The following AKNA variants were observed in gnomAD, a reference collection of about 807,000 sequenced individuals.
The protein encoded by AKNA is AT-hook transcription factor.
In AKNA, 67 loss-of-function variants were observed where a neutral mutation model predicts 138.8. That is an observed-to-expected ratio of 0.48 (90% CI 0.40 to 0.59). The LOEUF (loss-of-function observed/expected upper bound fraction) is 0.59, where lower values mean the gene tolerates loss of function less well. Among genes scored for constraint, AKNA ranks in the 20% least tolerant of loss-of-function variants. AKNA has a pLI of 0.00. For synonymous variants in AKNA, 737 were observed against 754.4 expected, an observed-to-expected ratio of 0.98 and a Z score of 0.38; for missense variants, 1,813 against 1,880.4, an observed-to-expected ratio of 0.96 and a Z score of 0.66.
chr9:114,398,388 C>G (rs1157083492), upstream of AKNA: 2 of 152,190 alleles, frequency 1.3e-5, no homozygotes, highest in African/African-American at 4.8e-5. The surrounding 1 kb of genome is among the most constrained non-coding windows in gnomAD (Gnocchi z 4.2). Context: ...TGAGTCCCAA[C>G]GAGGGACAGG....
Position 114,381,172 on chromosome 9 carries a change from C to T in AKNA, c.162G>A (p.Glu54=), listed in dbSNP as rs555694375. 7 of 1,613,484 alleles carry T rather than the reference C, an allele frequency of 4.3e-6. No homozygotes were observed. In the African/African-American group the frequency reaches 8.1e-5, roughly 19 times the overall value. Reference sequence around the variant, plus strand: ...GGGCCAGGCGGAAGTCCTCTAGGAGCTCGGGGCTGGTGGCATTGGGAAAGA... The same window carrying T: ...GGGCCAGGCGGAAGTCCTCTAGGAGTTCGGGGCTGGTGGCATTGGGAAAGA... ...ERLFPNATSP[E]LLEDFRLAQQ... is the part of the protein sequence containing the mutation. Residue 54 remains glutamate (E), a synonymous_variant, in exon 2 of 22, where the codon GAG becomes GAA. Transcript: ENST00000374088.
chr9:114,358,744 C>T (rs1831691901), intron 11 of AKNA, among the ~76,000 whole-genome samples: 1 of 150,476 alleles, frequency 6.6e-6, no homozygotes, highest in African/African-American at 2.5e-5. Flanking sequence ...AAAAACCAAA[C>T]ACCGCATGTT....
chr9:114,397,956 G>A (rs1480215479), upstream of AKNA, among the ~76,000 whole-genome samples: 1 of 152,144 alleles, frequency 6.6e-6, no homozygotes, highest in Non-Finnish European at 1.5e-5. Context: ...CTGGGTGAAC[G>A]AATCTCACAC....
intron 15 of AKNA, among the ~76,000 whole-genome samples, chr9:114,350,566 C>T (rs549260958): frequency 1.3e-5 from 2 of 152,318 alleles, no homozygotes; most frequent in Middle Eastern, 3.4e-3. Flanking sequence ...CTAGAAAGGA[C>T]AGGCTTTTCT....
chr9:114,386,710 C>T (rs188406064), intron 1 of AKNA, among the ~76,000 whole-genome samples: 3 of 152,276 alleles, frequency 2.0e-5, no homozygotes, highest in African/African-American at 7.2e-5. Flanking sequence ...GTCTAACAGA[C>T]CCCTGAGGTG....
At chr9:114,364,862 T>A (rs559025708) in intron 6 of AKNA, among the ~76,000 whole-genome samples, 1 of 152,292 alleles carries the variant, frequency 6.6e-6, no homozygotes, top group African/African-American at 2.4e-5. Context: ...GTCACTCATG[T>A]GCATCAAGAC....
At chr9:114,383,283 C>T (rs1833817452) in intron 1 of AKNA, 1 of 448,202 alleles carries the variant, frequency 2.2e-6, no homozygotes, top group South Asian at 1.6e-5. Context: ...TCCTTCTTTC[C>T]CTCTTTCCTT....
Position 114,337,013 on chromosome 9 carries a change from G to GTC in AKNA, c.*40_*41insGA. ...CCACTCCTGGCCTGGCAGGCCACCTGCCCACCCACCCACCCATCTGCCTCT... is the reference window on the plus strand; with the variant it reads ...CCACTCCTGGCCTGGCAGGCCACCTGTCCCCACCCACCCACCCATCTGCCTCT... On this transcript the variant is annotated 3_prime_UTR_variant, in exon 22 of 22. Transcript: ENST00000374088. The GTC allele has an allele frequency of 5.9e-6, 7 of 1,185,370 alleles. No homozygotes were observed. The highest frequency in any genetic ancestry group is 4.9e-5 in the South Asian group (2 of 40,612). The allele number at this position is 1,185,370 out of a possible 1,614,324, so 73.4% of individuals were successfully genotyped here.
rs1208310975 is a variant in AKNA, at chr9:114,377,053, C to T, written c.754G>A (p.Gly252Ser). The T allele has an allele frequency of 6.2e-7, 1 of 1,614,024 alleles. No individual in the cohort carries two copies. The highest frequency in any genetic ancestry group is 8.5e-7 in the Non-Finnish European group (1 of 1,180,008). ...HLLSPDGRTGGSVARATPMEF... is the reference protein window; with the variant it reads ...HLLSPDGRTGSSVARATPMEF... Reference sequence around the variant, plus strand: ...ATGGGGGTTGCCCGAGCAACACTGCCTCCAGTTCTGCCATCTGGGCTTAGG... The same window carrying T: ...ATGGGGGTTGCCCGAGCAACACTGCTTCCAGTTCTGCCATCTGGGCTTAGG... The change falls in exon 3 of 22, where the codon GGC (glycine) becomes AGC (serine). Residue 252 changes from glycine (G) to serine (S), a missense_variant. Transcript: ENST00000374088.
intron 21 of AKNA, among the ~76,000 whole-genome samples, chr9:114,340,045 G>A (rs1830234437): frequency 6.6e-6 from 1 of 152,230 alleles, no homozygotes; most frequent in Non-Finnish European, 1.5e-5. Flanking sequence ...GTTGCAGTGA[G>A]CCAAGATGGC....
intron 15 of AKNA, chr9:114,348,955 G>A (rs1216904040): frequency 2.2e-6 from 1 of 456,204 alleles, no homozygotes; most frequent in Non-Finnish European, 4.4e-6. Flanking sequence ...GCGCTCAGAT[G>A]ACTGTGTCAG....
upstream of AKNA, chr9:114,396,795 C>G (rs1834548421): frequency 6.6e-6 from 1 of 152,222 alleles, no homozygotes; most frequent in Non-Finnish European, 1.5e-5. Flanking sequence ...CTCAGGTCTT[C>G]TTACTCCTGG....
At chr9:114,346,090 A>G in intron 17 of AKNA, 81 bp from the exon 18 acceptor site, 1 of 1,439,328 alleles carries the variant, frequency 6.9e-7, no homozygotes, top group East Asian at 2.3e-5. Context: ...CCATGAGTTT[A>G]GGCTCTGGGG....
At position 114,346,789 on chromosome 9, in the gene AKNA, C is replaced by A; in HGVS notation, c.3399-5G>T. The stretch of plus-strand genomic sequence containing the variant: ...GGCAATCTCTCTGTGGATTTACTAG[C>A]AAAAGGAAAGAGAGATGATGTCATT... On this transcript the variant is annotated splice_region_variant and splice_polypyrimidine_tract_variant and intron_variant, in intron 16 of 21. Transcript: ENST00000374088. 6.2e-7 allele frequency: 1 copy of A among 1,609,360 alleles called. No individual in the cohort carries two copies. The highest frequency in any genetic ancestry group is 8.5e-7 in the Non-Finnish European group (1 of 1,177,298).
At chr9:114,359,509 C>T (rs959782483) in intron 11 of AKNA, 85 bp downstream of exon 11, 19 of 1,560,236 alleles carry the variant, frequency 1.2e-5, no homozygotes, top group East Asian at 8.9e-5. Context: ...AACTGTGAAG[C>T]GCTGTCTTAT....
intron 4 of AKNA, among the ~76,000 whole-genome samples, chr9:114,369,023 TTTC>T (rs1279518146): frequency 6.6e-6 from 1 of 152,250 alleles, no homozygotes; most frequent in Non-Finnish European, 1.5e-5. Flanking sequence ...CATATAATTA[TTTC>T]TTAACAAATA....
chr9:114,367,330 A>G (rs1832436068), intron 6 of AKNA, among the ~76,000 whole-genome samples: 1 of 152,092 alleles, frequency 6.6e-6, no homozygotes, highest in African/African-American at 2.4e-5. Flanking sequence ...AAGGGGGGTG[A>G]GACCTAGCAC....
downstream of AKNA, among the ~76,000 whole-genome samples, chr9:114,332,408 C>T (rs1476989436): frequency 6.6e-6 from 1 of 152,056 alleles, no homozygotes; most frequent in East Asian, 1.9e-4. Flanking sequence ...TAATGAGCTC[C>T]TTAACACTTT....
chr9:114,345,947 T>C lies in AKNA; in HGVS notation c.3577A>G (p.Ser1193Gly). The C allele has an allele frequency of 6.2e-7, 1 of 1,614,086 alleles. No homozygotes were observed. Among genetic ancestry groups the C allele is most frequent in the Non-Finnish European group, 8.5e-7 (1 of 1,179,994 alleles). The change falls in exon 18 of 22, where the codon AGT becomes GGT. Residue 1193 changes from serine (S) to glycine (G), a missense_variant. Transcript: ENST00000374088. ...TTTCCATCCCGAGCTGCCTGTGGAC[T>C]GTCCTTGGTGGTCTTGCTCTTCTCA... The part of the protein sequence containing the change: ...FSEKSKTTKD[S>G]PQAARDGKRG...
Sources: allele counts gnomAD v4.1 joint callset (sites outside exome capture counted in the v4.1 genomes callset), GRCh38; gene constraint gnomAD v4.1.1; non-coding constraint Gnocchi (gnomAD v3.1); transcripts MANE v1.5; gene names NCBI Gene and HGNC (gene_info 2026-07-23, HGNC 2026-07-21).